CCDC73: variants seen among roughly 807,000 people sequenced by gnomAD.
The protein encoded by CCDC73 is coiled-coil domain containing 73.
A neutral mutation model predicts 116.5 loss-of-function variants in CCDC73; 95 were observed. That is an observed-to-expected ratio of 0.82 (90% CI 0.69 to 0.97). The LOEUF (loss-of-function observed/expected upper bound fraction) is 0.97. Among genes scored for constraint, CCDC73 ranks in the 50% least tolerant of loss-of-function variants. CCDC73 has a pLI of 0.00. For missense variants in CCDC73, 1,066 were observed against 1,206.8 expected (o/e 0.88, Z 1.73); for synonymous variants, 398 against 401.3 (o/e 0.99, Z 0.10).
chr11:32,825,633 C>T, the CCDC73 span, among the ~76,000 whole-genome samples: 91 of 152,154 alleles, frequency 6.0e-4, no homozygotes, highest in Non-Finnish European at 9.0e-4. Flanking sequence ...TAAACACCGT[C>T]AATTGCATAG....
chr11:32,814,233 A>C, the CCDC73 span, among the ~76,000 whole-genome samples: 1 of 152,232 alleles, frequency 6.6e-6, no homozygotes, highest in Non-Finnish European at 1.5e-5. Flanking sequence ...AAAGATAAAC[A>C]TAAAAAGCAA....
At chr11:32,615,318 T>C (rs1855464489) in intron 15 of CCDC73, among the ~76,000 whole-genome samples, 1 of 152,158 alleles carries the variant, frequency 6.6e-6, no homozygotes, top group Admixed American at 6.5e-5. Flanking sequence ...AATTAATTTA[T>C]CCTAACAGAT....
intron 1 of CCDC73, among the ~76,000 whole-genome samples, chr11:32,792,142 A>G (rs1227054246): frequency 6.6e-6 from 1 of 152,180 alleles, no homozygotes; most frequent in African/African-American, 2.4e-5. Context: ...ACAATTTCCC[A>G]AAGTGTGTTC....
At chr11:32,816,316 C>T in the CCDC73 span, among the ~76,000 whole-genome samples, 1 of 152,106 alleles carries the variant, frequency 6.6e-6, no homozygotes, top group Non-Finnish European at 1.5e-5. Flanking sequence ...TCTCATGTTG[C>T]CCATGAGAGC....
At chr11:32,694,534 C>T (rs1376869206) in intron 6 of CCDC73, among the ~76,000 whole-genome samples, 1 of 152,044 alleles carries the variant, frequency 6.6e-6, no homozygotes, top group African/African-American at 2.4e-5. Flanking sequence ...ATGTGGCACA[C>T]GTTTACCTGT....
At chr11:32,712,561 T>A (rs911587468) in intron 3 of CCDC73, among the ~76,000 whole-genome samples, 5 of 66,808 alleles carry the variant, frequency 7.5e-5, no homozygotes, top group African/African-American at 3.0e-4. Context: ...TCAATTAAAA[T>A]AAAGATCTAA....
intron 2 of CCDC73, among the ~76,000 whole-genome samples, chr11:32,744,427 T>C (rs1322514203): frequency 6.6e-6 from 1 of 152,210 alleles, no homozygotes; most frequent in Non-Finnish European, 1.5e-5. Context: ...CCTCATAAAA[T>C]GATTTAGGGA....
intron 14 of CCDC73, among the ~76,000 whole-genome samples, chr11:32,622,729 G>T (rs79496805): frequency 1.4e-5 from 2 of 141,200 alleles, no homozygotes; most frequent in African/African-American, 2.5e-5. Flanking sequence ...TGGGCGGGGT[G>T]GGGGGGAATG....
the CCDC73 span, chr11:32,830,473 C>CTTTT: frequency 8.4e-7 from 1 of 1,194,390 alleles, no homozygotes; most frequent in Non-Finnish European, 1.1e-6. Flanking sequence ...AGCTAGGGGC[C>CTTTT]TTTTTTTTTT....
rs1040626199 is a variant in CCDC73, at chr11:32,623,238, C to A, written c.1186-7109G>T. On this transcript the variant is annotated intron_variant, in intron 14 of 17. Transcript: ENST00000335185. ...GCCAGGCTGCTCTTGAACTCCTGACCTTGTGATCCACCTGCCTCGAGCTTT... is the reference window on the plus strand; with the variant it reads ...GCCAGGCTGCTCTTGAACTCCTGACATTGTGATCCACCTGCCTCGAGCTTT... 2.6e-5 allele frequency among the ~76,000 whole-genome samples: 4 copies of A among 152,162 alleles called. No individual in the cohort carries two copies. In the South Asian group the frequency reaches 8.3e-4, roughly 32 times the overall value.
chr11:32,653,184 T>C lies in CCDC73; in HGVS notation c.878A>G (p.Gln293Arg). Residue 293 changes from glutamine (Q) to arginine (R), a missense_variant, in exon 12 of 18, where the codon CAA (glutamine) becomes CGA (arginine). Gln to Arg is a conservative substitution (Grantham distance 43). Coordinates refer to ENST00000335185, the MANE Select transcript of CCDC73 (RefSeq NM_001008391.4). ...SFQHMQQLLR[Q>R]QIQANTEMEA... ...CATTTCAGTATTAGCTTGAATTTGT[T>C]GCCGAAGTAACTGCTGCATATGTTG... 1 of 1,612,492 alleles carries C rather than the reference T, an allele frequency of 6.2e-7. No homozygotes were observed. Among genetic ancestry groups the C allele is most frequent in the Non-Finnish European group, 8.5e-7 (1 of 1,179,238 alleles).
chr11:32,796,142 C>A (rs1318429616), upstream of CCDC73, among the ~76,000 whole-genome samples: 1 of 152,214 alleles, frequency 6.6e-6, no homozygotes, highest in East Asian at 1.9e-4. Context: ...ACATCCCCTA[C>A]TTTGACCCCA....
At chr11:32,672,124 T>C (rs568364433) in intron 9 of CCDC73, among the ~76,000 whole-genome samples, 2 of 152,118 alleles carry the variant, frequency 1.3e-5, no homozygotes, top group African/African-American at 2.4e-5. Context: ...GGCAGATCAC[T>C]TGAGGTCAGG....
chr11:32,811,280 G>T, the CCDC73 span, among the ~76,000 whole-genome samples: 2 of 151,890 alleles, frequency 1.3e-5, no homozygotes, highest in Non-Finnish European at 2.9e-5. Context: ...TCATTTCTTT[G>T]CTTATCCTTA....
the CCDC73 span, among the ~76,000 whole-genome samples, chr11:32,823,605 C>T: frequency 8.0e-5 from 12 of 150,262 alleles, no homozygotes; most frequent in East Asian, 1.7e-3. Flanking sequence ...TCAGTACAAA[C>T]CCAAGAAAAA....
At chr11:32,674,488 C>G (rs550808909) in intron 9 of CCDC73, among the ~76,000 whole-genome samples, 1 of 152,288 alleles carries the variant, frequency 6.6e-6, no homozygotes, top group South Asian at 2.1e-4. Context: ...ACCAACCTGG[C>G]TTAAATAATG....
In CCDC73 at chr11:32,676,109, C is replaced by T. The variant is rs115532758; in HGVS notation, c.430-88G>A. On this transcript the variant is annotated intron_variant, in intron 7 of 17. Transcript: ENST00000335185. ...AATATGTAAAATATATTGTGGTAAA[C>T]CACTGTTGTTAGTAATATAACATAA... 27 of 1,083,458 alleles carry T rather than the reference C, an allele frequency of 2.5e-5. No homozygotes were observed. The African/African-American group carries it at 2.6e-4, about 10-fold the overall frequency. The allele number at this position is 1,083,458 out of a possible 1,614,324, so 67.1% of individuals were successfully genotyped here. A position where few individuals can be genotyped will look rare whatever the true frequency, so the allele number is the denominator to read the frequency against.
chr11:32,749,731 T>G (rs1761348580), intron 2 of CCDC73, among the ~76,000 whole-genome samples: 1 of 152,164 alleles, frequency 6.6e-6, no homozygotes, highest in Non-Finnish European at 1.5e-5. Flanking sequence ...TGCAGCCGCA[T>G]CTGCACTAGG....
intron 6 of CCDC73, among the ~76,000 whole-genome samples, chr11:32,692,651 C>T (rs1173423201): frequency 6.6e-6 from 1 of 152,190 alleles, no homozygotes; most frequent in Non-Finnish European, 1.5e-5. Flanking sequence ...CATGCCTCTT[C>T]TGAGAGCGTG....
Sources: allele counts gnomAD v4.1 joint callset (sites outside exome capture counted in the v4.1 genomes callset), GRCh38; gene constraint gnomAD v4.1.1; transcripts MANE v1.5; gene names NCBI Gene and HGNC (gene_info 2026-07-23, HGNC 2026-07-21).